The following ACKR3 variants were observed in gnomAD, a reference collection of about 807,000 sequenced individuals.
ACKR3 encodes C-X-C chemokine receptor type 7.
Under a neutral mutation model 22.4 loss-of-function variants are expected in ACKR3, and 6 were observed. That is an observed-to-expected ratio of 0.27 (90% CI 0.15 to 0.53). ACKR3 has a LOEUF of 0.53. Among genes scored for constraint, ACKR3 ranks in the 20% least tolerant of loss-of-function variants. The pLI is 0.96. For missense variants in ACKR3, 396 were observed against 475.2 expected, an observed-to-expected ratio of 0.83 and a Z score of 1.55; for synonymous variants, 209 against 205.2, an observed-to-expected ratio of 1.02 and a Z score of -0.16.
chr2:236,556,009 G>A, the ACKR3 span, among the ~76,000 whole-genome samples: 1 of 152,174 alleles, frequency 6.6e-6, no homozygotes, highest in Non-Finnish European at 1.5e-5. Flanking sequence ...TTCAGTCCTA[G>A]AGCAAGTAGG....
the ACKR3 span, among the ~76,000 whole-genome samples, chr2:236,545,451 G>C: frequency 6.6e-6 from 1 of 152,174 alleles, no homozygotes; most frequent in Non-Finnish European, 1.5e-5. The surrounding 1 kb of genome is among the most constrained non-coding windows in gnomAD (Gnocchi z 5.3). Flanking sequence ...TTCCGCATTT[G>C]TGCAGATGTC....
Position 236,574,371 on chromosome 2 carries a change from G to C in ACKR3, c.-27+4447G>C, listed in dbSNP as rs544060211. The stretch of plus-strand genomic sequence containing the variant: ...TACACAAAGTTACAGAAGACTTGGT[G>C]GGGGGTGCGGGGCCTGGTAGGAATG... On this transcript the variant is annotated intron_variant, in intron 1 of 1. Transcript: ENST00000272928. The surrounding 1 kb of genome is among the most constrained non-coding windows in gnomAD (Gnocchi z 5.6). 6.6e-6 allele frequency among the ~76,000 whole-genome samples: 1 copy of C among 152,260 alleles called. No homozygotes were observed. Among genetic ancestry groups the C allele is most frequent in the East Asian group, 1.9e-4 (1 of 5,182 alleles).
chr2:236,567,056 T>C (rs975073700), upstream of ACKR3, among the ~76,000 whole-genome samples: 1 of 151,808 alleles, frequency 6.6e-6, no homozygotes, highest in African/African-American at 2.4e-5. Context: ...CCAGGCTGGA[T>C]TGCAATGGTG....
rs1157598538 is a variant in ACKR3 at position 236,581,240 on chromosome 2, G to T, written c.775G>T (p.Val259Leu). Residue 259 changes from valine to leucine, a missense_variant, in exon 2 of 2, where the codon GTG becomes TTG. By Grantham distance (32) the Val-to-Leu change is conservative. Transcript: ENST00000272928. This position sits in a 1 kb window ranked among gnomAD's most constrained non-coding sequence, Gnocchi z 4.4. ...SSRKIIFSYV[V>L]VFLVCWLPYH... ...CCGGAAGATCATCTTCTCCTACGTG[G>T]TGGTCTTCCTTGTCTGCTGGCTGCC... The T allele has an allele frequency of 6.2e-7, 1 of 1,613,946 alleles. No individual in the cohort carries two copies. Among genetic ancestry groups the T allele is most frequent in the Non-Finnish European group, 8.5e-7 (1 of 1,179,960 alleles).
the ACKR3 span, among the ~76,000 whole-genome samples, chr2:236,558,568 G>A: frequency 6.6e-6 from 1 of 152,284 alleles, no homozygotes; most frequent in South Asian, 2.1e-4. Flanking sequence ...GCTAACTTCC[G>A]GATTTTGTGG....
intron 1 of ACKR3, among the ~76,000 whole-genome samples, chr2:236,575,091 TTTG>T (rs1691380514): frequency 2.6e-5 from 4 of 152,056 alleles, no homozygotes; most frequent in Non-Finnish European, 5.9e-5. Context: ...TTCACTGCTT[TTTG>T]TTCTCCCTTG....
chr2:236,580,911 T>C lies in ACKR3; in HGVS notation c.446T>C (p.Phe149Ser), dbSNP rs766492715. The C allele has an allele frequency of 1.6e-5, 26 of 1,614,136 alleles. No individual in the cohort carries two copies. The highest frequency in any genetic ancestry group is 2.2e-5 in the East Asian group (1 of 44,880). ...GACCGCTACCTCTCCATCACCTACTTCACCAACACCCCCAGCAGCAGGAAG... is the reference window on the plus strand; with the variant it reads ...GACCGCTACCTCTCCATCACCTACTCCACCAACACCCCCAGCAGCAGGAAG... ...SVDRYLSITY[F>S]TNTPSSRKKM... Residue 149 changes from phenylalanine (F) to serine (S), a missense_variant, in exon 2 of 2, where the codon TTC (phenylalanine) becomes TCC (serine). Transcript: ENST00000272928.
chr2:236,561,307 A>C, the ACKR3 span, among the ~76,000 whole-genome samples: 1 of 152,186 alleles, frequency 6.6e-6, no homozygotes, highest in East Asian at 1.9e-4. Flanking sequence ...ATAAAATCTA[A>C]AAAAAGAAGA....
At chr2:236,568,780 T>C (rs368418556), upstream of ACKR3, among the ~76,000 whole-genome samples, 2 of 152,256 alleles carry the variant, frequency 1.3e-5, no homozygotes, top group African/African-American at 2.4e-5. Flanking sequence ...CTGTTATTTT[T>C]AGTAGAAGTA....
chr2:236,539,419 TCTC>T, the ACKR3 span, among the ~76,000 whole-genome samples: 1 of 151,518 alleles, frequency 6.6e-6, no homozygotes, highest in Admixed American at 6.6e-5. Flanking sequence ...TTCAAGCAAT[TCTC>T]CTGCCTCAGC....
chr2:236,543,438 A>G, the ACKR3 span, among the ~76,000 whole-genome samples: 2 of 152,246 alleles, frequency 1.3e-5, no homozygotes, highest in African/African-American at 4.8e-5. Flanking sequence ...TGAAGAAAAC[A>G]GGCAGCTTTA....
At chr2:236,553,028 T>G in the ACKR3 span, among the ~76,000 whole-genome samples, 1 of 152,248 alleles carries the variant, frequency 6.6e-6, no homozygotes, top group Admixed American at 6.5e-5. Context: ...CACTGGCATT[T>G]TGTTTATCAT....
rs1691359616 is a variant in ACKR3, at chr2:236,574,041, T to C, written c.-27+4117T>C. ...CCCTCATTTTCCTGCTGAAGGGGCA[T>C]GCACCACCTTGCTCATGCCTGGGGG... On this transcript the variant is annotated intron_variant, in intron 1 of 1. Transcript: ENST00000272928. This position sits in a 1 kb window ranked among gnomAD's most constrained non-coding sequence, Gnocchi z 5.6. 6.6e-6 allele frequency among the ~76,000 whole-genome samples: 1 copy of C among 152,052 alleles called. No individual in the cohort carries two copies. Among genetic ancestry groups the C allele is most frequent in the Non-Finnish European group, 1.5e-5 (1 of 68,010 alleles).
chr2:236,581,691 GC>G lies in ACKR3; in HGVS notation c.*138del. The G allele has an allele frequency of 9.2e-7, 1 of 1,086,886 alleles. No individual in the cohort carries two copies. The highest frequency in any genetic ancestry group is 2.6e-5 in the East Asian group (1 of 38,958). The allele number at this position is 1,086,886 out of a possible 1,614,324, so 67.3% of individuals were successfully genotyped here. On this transcript the variant is annotated 3_prime_UTR_variant, in exon 2 of 2. Coordinates refer to ENST00000272928, the MANE Select transcript of ACKR3 (RefSeq NM_020311.3). The surrounding 1 kb of genome is among the most constrained non-coding windows in gnomAD (Gnocchi z 4.4). The stretch of plus-strand genomic sequence containing the variant: ...GTGAAGAGGGGAGCACGTGCCCCCT[GC>G]ATCCATTCTCTCTTTCTCTTGATGA...
chr2:236,557,421 C>T, the ACKR3 span, among the ~76,000 whole-genome samples: 1 of 152,078 alleles, frequency 6.6e-6, no homozygotes, highest in Non-Finnish European at 1.5e-5. Flanking sequence ...AAGGCAGATT[C>T]CAGGGAATCT....
At chr2:236,541,779 G>A in the ACKR3 span, among the ~76,000 whole-genome samples, 2 of 152,168 alleles carry the variant, frequency 1.3e-5, no homozygotes, top group African/African-American at 4.8e-5. Context: ...ACTCCATACT[G>A]TTCTCCTGGT....
At chr2:236,564,797 C>T (rs966398041), upstream of ACKR3, among the ~76,000 whole-genome samples, 7 of 152,092 alleles carry the variant, frequency 4.6e-5, no homozygotes, top group Non-Finnish European at 8.8e-5. Context: ...AAATCGGGCA[C>T]GCTTGGATTG....
At chr2:236,554,656 C>T in the ACKR3 span, among the ~76,000 whole-genome samples, 2 of 152,130 alleles carry the variant, frequency 1.3e-5, no homozygotes, top group East Asian at 1.9e-4. Context: ...AGGCACCCAG[C>T]GCAAACAGCA....
At chr2:236,547,545 G>T in the ACKR3 span, among the ~76,000 whole-genome samples, 1 of 152,188 alleles carries the variant, frequency 6.6e-6, no homozygotes. Context: ...CCTTTAAGTA[G>T]TGGAACCTTT....
Sources: gnomAD v4.1 joint callset for allele counts (sites outside exome capture counted in the v4.1 genomes callset) on GRCh38, gnomAD v4.1.1 for gene constraint, Gnocchi (gnomAD v3.1) non-coding constraint, MANE v1.5 for transcripts, NCBI Gene and HGNC (gene_info 2026-07-23, HGNC 2026-07-21) for gene names.